SLC25A22: variants seen among roughly 807,000 people sequenced by gnomAD.
The protein encoded by SLC25A22 is mitochondrial glutamate carrier 1.
A neutral mutation model predicts 33.7 loss-of-function variants in SLC25A22; 23 were observed. The ratio of observed to expected loss-of-function variants is 0.68; its 90% confidence interval spans 0.49 to 0.97. The LOEUF is 0.97. Ranked by LOEUF, SLC25A22 falls within the 50% of genes least tolerant of loss-of-function variation. SLC25A22 has a pLI of 0.00. For missense variants in SLC25A22, 390 were observed against 451.1 expected (o/e 0.86, Z 1.23); for synonymous variants, 245 against 203.8 (o/e 1.20, Z -1.72).
Position 792,212 on chromosome 11 carries a change from TCAC to T in SLC25A22, c.745_747del (p.Val249del). 3 of 1,612,918 alleles carry T rather than the reference TCAC, an allele frequency of 1.9e-6. No individual in the cohort carries two copies. Among genetic ancestry groups the T allele is most frequent in the Non-Finnish European group, 2.5e-6 (3 of 1,179,904 alleles). On this transcript the variant is annotated inframe_deletion and splice_region_variant, in exon 9 of 10. Coordinates refer to ENST00000628067, the MANE Select transcript of SLC25A22 (RefSeq NM_001191061.2). Reference sequence around the variant, plus strand: ...CGCTGAAGTGACTGGAGCCGCGTCTTCACCACTGCAAGGGGCGCTCGGGTCAGT... The same window carrying T: ...CGCTGAAGTGACTGGAGCCGCGTCTTCACTGCAAGGGGCGCTCGGGTCAGT...
Position 792,995 on chromosome 11 carries a change from T to C in SLC25A22, c.294-7A>G, listed in dbSNP as rs762588496. On this transcript the variant is annotated splice_polypyrimidine_tract_variant and splice_region_variant and intron_variant, in intron 5 of 9. Coordinates refer to ENST00000628067, the MANE Select transcript of SLC25A22 (RefSeq NM_001191061.2). ...AAGCAGGGTCAGCTTCTGCCTGTGG[T>C]AGGGGCGGGGCCGCAGTAAGTGGGA... The C allele has an allele frequency of 3.1e-6, 5 of 1,612,798 alleles. No individual in the cohort carries two copies. In the South Asian group the frequency reaches 4.4e-5, roughly 14 times the overall value.
In SLC25A22 at chr11:791,503, A is replaced by G; in HGVS notation, c.*412T>C. ...CGCTTGGGTCCAGCAGATTCAATAA[A>G]TAGGTTTGTGTGGGGTGCCTGTGTG... On this transcript the variant is annotated 3_prime_UTR_variant, in exon 10 of 10. Coordinates refer to ENST00000628067, the MANE Select transcript of SLC25A22 (RefSeq NM_001191061.2). 2 of 249,062 alleles carry G rather than the reference A, an allele frequency of 8.0e-6. 1 individual carries two copies. Among genetic ancestry groups the G allele is most frequent in the East Asian group, 2.1e-4 (2 of 9,628 alleles). 15.4% of individuals were successfully genotyped at this position (249,062 alleles called of 1,614,324 possible). A position where few individuals can be genotyped will look rare whatever the true frequency, so the allele number is the denominator to read the frequency against.
At chr11:797,618 G>A (rs943681387) in intron 1 of SLC25A22, 6 of 398,664 alleles carry the variant, frequency 1.5e-5, no homozygotes, top group South Asian at 1.3e-4. Context: ...CTACCCCCAA[G>A]AAAGGCAATG....
At chr11:797,580 C>A (rs1864900432) in intron 1 of SLC25A22, 1 of 398,560 alleles carries the variant, frequency 2.5e-6, no homozygotes, top group Non-Finnish European at 4.4e-6. Context: ...GGGTAAAATC[C>A]TCCACCCAAG....
At chr11:795,837 G>C (rs1321015308) in intron 1 of SLC25A22, 1 of 156,514 alleles carries the variant, frequency 6.4e-6, no homozygotes, top group Non-Finnish European at 1.4e-5. Context: ...TTGGGGGTGG[G>C]GGATGGCTGG....
intron 1 of SLC25A22, chr11:797,974 C>T: frequency 1.0e-5 from 4 of 398,452 alleles, no homozygotes; most frequent in Non-Finnish European, 1.8e-5. Flanking sequence ...CCCCGGACAC[C>T]CACCCTCGGG....
rs146173747 is a variant in SLC25A22 at position 793,041 on chromosome 11, C to T, written c.294-53G>A. 8.0e-3 allele frequency: 12,455 copies of T among 1,554,188 alleles called. 66 individuals are homozygous for T. Among genetic ancestry groups the T allele is most frequent in the African/African-American group, 0.015 (1,091 of 73,756 alleles). On this transcript the variant is annotated intron_variant, in intron 5 of 9. Coordinates refer to ENST00000628067, the MANE Select transcript of SLC25A22 (RefSeq NM_001191061.2). ...TGGGAAGAGACAGGTCTACCTGCCACCCTCGGGGCTGCCCACCATGCCTGG... is the reference window on the plus strand; with the variant it reads ...TGGGAAGAGACAGGTCTACCTGCCATCCTCGGGGCTGCCCACCATGCCTGG...
intron 7 of SLC25A22, 40 bp downstream of exon 7, chr11:792,513 C>T (rs1352621050): frequency 1.2e-6 from 2 of 1,612,392 alleles, no homozygotes; most frequent in Non-Finnish European, 1.7e-6. Context: ...GGCAGGCCGG[C>T]CTCCCCCTTC....
At position 791,812 on chromosome 11, in the gene SLC25A22, A is replaced by C. The variant is rs1291449234; in HGVS notation, c.*103T>G. 23 of 1,428,578 alleles carry C rather than the reference A, an allele frequency of 1.6e-5. No individual in the cohort carries two copies. The highest frequency in any genetic ancestry group is 2.0e-5 in the Non-Finnish European group (22 of 1,081,150). 88.5% of individuals were successfully genotyped at this position (1,428,578 alleles called of 1,614,324 possible). On this transcript the variant is annotated 3_prime_UTR_variant, in exon 10 of 10. Coordinates refer to ENST00000628067, the MANE Select transcript of SLC25A22 (RefSeq NM_001191061.2). ...GCCCCCTGCTGCCCCTGCCGACGGG[A>C]GGGCTGGGGAGGGGTCTTCCCTTGC...
rs368539461 is a variant in SLC25A22, at chr11:798,238, G to T, written c.-185C>A. 7.6e-6 allele frequency: 3 copies of T among 393,156 alleles called. No homozygotes were observed. The highest frequency in any genetic ancestry group is 4.1e-5 in the African/African-American group (2 of 48,306). 24.4% of individuals were successfully genotyped at this position (393,156 alleles called of 1,614,324 possible). ...TCACCACGCTCGCCGCCGCCGCCGC[G>T]CTCGCCTGCCCGCCCCGCGCTCGGC... is the stretch of plus-strand genomic sequence containing the variant. On this transcript the variant is annotated 5_prime_UTR_variant, in exon 1 of 10. Transcript: ENST00000628067.
In SLC25A22 at chr11:795,078, A is replaced by T. The variant is rs533586625; in HGVS notation, c.-72T>A. The T allele has an allele frequency of 2.0e-4, 213 of 1,074,434 alleles. No individual in the cohort carries two copies. In the East Asian group the frequency reaches 8.4e-3, roughly 42 times the overall value. The allele number at this position is 1,074,434 out of a possible 1,614,324, so 66.6% of individuals were successfully genotyped here. A position where few individuals can be genotyped will look rare whatever the true frequency, so the allele number is the denominator to read the frequency against. On this transcript the variant is annotated 5_prime_UTR_variant, in exon 2 of 10. Coordinates refer to ENST00000628067, the MANE Select transcript of SLC25A22 (RefSeq NM_001191061.2). ...CCAGGCGGGGTGGAGGTGGAGGTGG[A>T]GGAGGCCTTGAGGGAGGGTGGGACC... is the stretch of plus-strand genomic sequence containing the variant.
Position 792,361 on chromosome 11 carries a change from A to G in SLC25A22, c.685T>C (p.Phe229Leu). Residue 229 changes from phenylalanine to leucine, a missense_variant, in exon 8 of 10, where the codon TTC becomes CTC. Transcript: ENST00000628067. ...SEEKSPFYVS[F>L]LAGCVAGSAA... ...CTCCCAGCCACACAGCCGGCCAGGAAGGACACGTAGAAAGGCGACTTCTCC... is the reference window on the plus strand; with the variant it reads ...CTCCCAGCCACACAGCCGGCCAGGAGGGACACGTAGAAAGGCGACTTCTCC... 2.5e-6 allele frequency: 4 copies of G among 1,613,248 alleles called. No individual in the cohort carries two copies. Among genetic ancestry groups the G allele is most frequent in the Non-Finnish European group, 3.4e-6 (4 of 1,179,950 alleles).
intron 5 of SLC25A22, 96 bp downstream of exon 5, chr11:793,433 A>G: frequency 8.4e-7 from 1 of 1,186,900 alleles, no homozygotes; most frequent in Non-Finnish European, 1.2e-6. Context: ...GGCTGAAGAC[A>G]GGCAGAGCCC....
intron 1 of SLC25A22, chr11:795,375 T>TCC: frequency 4.6e-5 from 2 of 43,320 alleles, no homozygotes; most frequent in Non-Finnish European, 8.4e-5. Context: ...AGTCCCCCCC[T>TCC]CCCCACCGCC....
intron 4 of SLC25A22, chr11:794,035 C>T (rs1341726926): frequency 4.2e-6 from 2 of 475,924 alleles, no homozygotes; most frequent in East Asian, 4.3e-5. Flanking sequence ...CTGTGGAGAG[C>T]CCCCATCTCA....
chr11:793,853 G>A, intron 4 of SLC25A22: 1 of 587,666 alleles, frequency 1.7e-6, no homozygotes, highest in Non-Finnish European at 3.0e-6. Context: ...ATCTGTCTCT[G>A]ATTCTGGGCA....
chr11:796,714 G>A (rs920642088), intron 1 of SLC25A22, among the ~76,000 whole-genome samples: 1 of 152,182 alleles, frequency 6.6e-6, no homozygotes, highest in Non-Finnish European at 1.5e-5. Context: ...CACAAAAAAG[G>A]CCTGCTGTCC....
In SLC25A22 at chr11:792,593, T is replaced by G. The variant is rs1443168868; in HGVS notation, c.547A>C (p.Ile183Leu). 1 of 1,611,296 alleles carries G rather than the reference T, an allele frequency of 6.2e-7. No individual in the cohort carries two copies. Among genetic ancestry groups the G allele is most frequent in the East Asian group, 2.2e-5 (1 of 44,832 alleles). Reference sequence around the variant, plus strand: ...CCGAGTCCCTTGTAGAGACCGGCAATGCCACGGCTCCGCAGCAGGTCGCGG... The same window carrying G: ...CCGAGTCCCTTGTAGAGACCGGCAAGGCCACGGCTCCGCAGCAGGTCGCGG... ...LTRDLLRSRG[I>L]AGLYKGLGAT... Residue 183 changes from isoleucine to leucine, a missense_variant, in exon 7 of 10, where the codon ATT becomes CTT. Transcript: ENST00000628067.
intron 4 of SLC25A22, chr11:794,143 C>G: frequency 1.5e-6 from 1 of 654,298 alleles, no homozygotes; most frequent in Non-Finnish European, 2.8e-6. Context: ...CCTCCCATCC[C>G]CAGCCACAAA....
Sources: allele counts gnomAD v4.1 joint callset (sites outside exome capture counted in the v4.1 genomes callset), GRCh38; gene constraint gnomAD v4.1.1; transcripts MANE v1.5; gene names NCBI Gene and HGNC (gene_info 2026-07-23, HGNC 2026-07-21).